Variants in MAPKAP1 observed in about 807,000 individuals in gnomAD.
MAPKAP1 encodes the protein target of rapamycin complex 2 subunit MAPKAP1.
MAPKAP1 carries 20 observed loss-of-function variants against 65.7 expected under a neutral mutation model. The ratio of observed to expected loss-of-function variants is 0.30; its 90% CI spans 0.21 to 0.44. The LOEUF (loss-of-function observed/expected upper bound fraction) is 0.44, where lower values mean the gene tolerates loss of function less well. Among genes scored for constraint, MAPKAP1 ranks in the 20% least tolerant of loss-of-function variants. The probability of loss-of-function intolerance (pLI) is 1.00; values close to 1 mark genes in which losing one functional copy is unlikely to be tolerated. For synonymous variants in MAPKAP1, 222 were observed against 244.3 expected, an observed-to-expected ratio of 0.91 and a Z score of 0.85; for missense variants, 423 against 648.0, an observed-to-expected ratio of 0.65 and a Z score of 3.77.
intron 5 of MAPKAP1, among the ~76,000 whole-genome samples, chr9:125,579,963 T>C (rs1379227563): frequency 1.3e-5 from 2 of 152,220 alleles, no homozygotes; most frequent in Non-Finnish European, 1.5e-5. Flanking sequence ...CATATAATTG[T>C]AGTCCAATAT....
intron 10 of MAPKAP1, among the ~76,000 whole-genome samples, chr9:125,445,043 T>TGGGAGAGGACTCCTGCC (rs1343363777): frequency 1.3e-5 from 2 of 152,020 alleles, no homozygotes; most frequent in East Asian, 1.9e-4. Context: ...GGGCTCCTGC[T>TGGGAGAGGACTCCTGCC]GGGAGAGGAC....
intron 9 of MAPKAP1, among the ~76,000 whole-genome samples, chr9:125,480,938 C>T (rs542223543): frequency 8.0e-5 from 11 of 138,118 alleles, no homozygotes; most frequent in Middle Eastern, 4.0e-3. Context: ...CACCACTGCA[C>T]TCCAGCCTGG....
At chr9:125,697,670 ATC>A (rs1835426085) in intron 1 of MAPKAP1, among the ~76,000 whole-genome samples, 1 of 152,196 alleles carries the variant, frequency 6.6e-6, no homozygotes, top group Admixed American at 6.5e-5. Context: ...ATCTTTCGAC[ATC>A]TCTGATTTCT....
At chr9:125,586,421 A>T (rs1831786793) in intron 4 of MAPKAP1, among the ~76,000 whole-genome samples, 2 of 151,820 alleles carry the variant, frequency 1.3e-5, no homozygotes, top group African/African-American at 2.4e-5. Context: ...TTTTAAAACG[A>T]TTTCCTCTAC....
intron 4 of MAPKAP1, among the ~76,000 whole-genome samples, chr9:125,620,408 G>C (rs1832862092): frequency 6.6e-6 from 1 of 152,234 alleles, no homozygotes; most frequent in Non-Finnish European, 1.5e-5. Flanking sequence ...TACATTGCTG[G>C]TAGGAGTGTA....
At chr9:125,594,970 C>G (rs1038073202) in intron 4 of MAPKAP1, among the ~76,000 whole-genome samples, 4 of 152,152 alleles carry the variant, frequency 2.6e-5, no homozygotes, top group Non-Finnish European at 5.9e-5. Flanking sequence ...TAACAAAGGG[C>G]CCGACATAGT....
intron 1 of MAPKAP1, among the ~76,000 whole-genome samples, chr9:125,693,812 C>CAT (rs1835295014): frequency 6.9e-6 from 1 of 144,710 alleles, no homozygotes; most frequent in African/African-American, 2.6e-5. Context: ...TATATACACA[C>CAT]ACATATACAC....
At chr9:125,660,274 T>G (rs1473432029) in intron 3 of MAPKAP1, among the ~76,000 whole-genome samples, 1 of 151,918 alleles carries the variant, frequency 6.6e-6, no homozygotes, top group African/African-American at 2.4e-5. Context: ...CTCTGGGGAG[T>G]GAAATGACTA....
chr9:125,559,172 C>CA (rs200131879), intron 6 of MAPKAP1: 1,798 of 150,896 alleles, frequency 0.012, 38 homozygotes, highest in African/African-American at 0.041. Context: ...GAGAAAGGCA[C>CA]AAAAAAAAAG....
rs185771356 is a variant in MAPKAP1 at position 125,450,547 on chromosome 9, T to C, written c.1346-5949A>G. Among the ~76,000 whole-genome samples the C allele has an allele frequency of 1.6e-3, 237 of 152,338 alleles. 1 individual carries two copies. The highest frequency in any genetic ancestry group is 0.014 in the Admixed American group (220 of 15,304). Reference sequence around the variant, plus strand: ...CTTATTCCAACCAGTAGACGTGAGCTATGGGTCATGTTGCTATCTCTGTTG... The same window carrying C: ...CTTATTCCAACCAGTAGACGTGAGCCATGGGTCATGTTGCTATCTCTGTTG... On this transcript the variant is annotated intron_variant, in intron 10 of 11. Coordinates refer to ENST00000265960, the MANE Select transcript of MAPKAP1 (RefSeq NM_001006617.3).
intron 4 of MAPKAP1, among the ~76,000 whole-genome samples, chr9:125,643,089 G>A (rs894064667): frequency 1.3e-5 from 2 of 151,884 alleles, no homozygotes; most frequent in Non-Finnish European, 2.9e-5. Context: ...TAGTAGAGAC[G>A]GGGTTTCACC....
At chr9:125,649,509 T>A (rs1833829670) in intron 4 of MAPKAP1, among the ~76,000 whole-genome samples, 2 of 152,188 alleles carry the variant, frequency 1.3e-5, no homozygotes, top group Admixed American at 1.3e-4. Flanking sequence ...CCCTGTCATC[T>A]GAGAGGAAGT....
intron 5 of MAPKAP1, 72 bp from the exon 6 acceptor site, chr9:125,559,881 C>A: frequency 6.9e-7 from 1 of 1,443,722 alleles, no homozygotes; most frequent in African/African-American, 1.4e-5. Context: ...GGGTATGGTG[C>A]ACAGCAAGCA....
chr9:125,534,895 C>T (rs1174376833), intron 7 of MAPKAP1, among the ~76,000 whole-genome samples: 1 of 152,106 alleles, frequency 6.6e-6, no homozygotes, highest in African/African-American at 2.4e-5. Context: ...CCATGTGCAC[C>T]CAGGCCCTAT....
chr9:125,677,834 A>T (rs1414101877), intron 1 of MAPKAP1, among the ~76,000 whole-genome samples: 1 of 152,186 alleles, frequency 6.6e-6, no homozygotes, highest in Non-Finnish European at 1.5e-5. Flanking sequence ...TTTAAAGCAT[A>T]AAGATTTGTT....
At chr9:125,579,066 T>C (rs1398562185) in intron 5 of MAPKAP1, among the ~76,000 whole-genome samples, 2 of 152,202 alleles carry the variant, frequency 1.3e-5, no homozygotes, top group East Asian at 3.8e-4. Flanking sequence ...AATTTGACCA[T>C]TTAGAGATTG....
At chr9:125,606,802 GA>G in intron 4 of MAPKAP1, among the ~76,000 whole-genome samples, 1 of 152,296 alleles carries the variant, frequency 6.6e-6, no homozygotes, top group African/African-American at 2.4e-5. Context: ...CCCTACTGAA[GA>G]AAACCCGAAT....
At chr9:125,620,559 A>G (rs1832867305) in intron 4 of MAPKAP1, among the ~76,000 whole-genome samples, 1 of 152,226 alleles carries the variant, frequency 6.6e-6, no homozygotes, top group African/African-American at 2.4e-5. Flanking sequence ...GTACAAGATT[A>G]TTCACCACAG....
intron 5 of MAPKAP1, among the ~76,000 whole-genome samples, chr9:125,565,160 A>G (rs1564560830): frequency 1.3e-5 from 2 of 152,230 alleles, no homozygotes; most frequent in Non-Finnish European, 2.9e-5. Context: ...GTTCCATCAG[A>G]TAAGATTAAA....
Sources: gnomAD v4.1 joint callset for allele counts (sites outside exome capture counted in the v4.1 genomes callset) on GRCh38, gnomAD v4.1.1 for gene constraint, MANE v1.5 for transcripts, NCBI Gene and HGNC (gene_info 2026-07-23, HGNC 2026-07-21) for gene names.